PRORP: variants seen among roughly 807,000 people sequenced by gnomAD.
The protein encoded by PRORP is mitochondrial ribonuclease P catalytic subunit.
In PRORP, 51 loss-of-function variants were observed where a neutral mutation model predicts 59.4. That is an observed-to-expected ratio of 0.86 (90% CI 0.69 to 1.08). The LOEUF is 1.08. Among genes scored for constraint, PRORP ranks in the 50% least tolerant of loss-of-function variants. The probability of loss-of-function intolerance (pLI) is 0.00; values close to 1 mark genes in which losing one functional copy is unlikely to be tolerated. For synonymous variants in PRORP, 231 were observed against 245.6 expected (o/e 0.94, Z 0.55); for missense variants, 646 against 690.3 (o/e 0.94, Z 0.72).
chr14:35,246,613 T>G (rs1396542673), intron 5 of PRORP, among the ~76,000 whole-genome samples: 8 of 152,338 alleles, frequency 5.3e-5, no homozygotes, highest in Non-Finnish European at 7.4e-5. Flanking sequence ...CTTGTTGCTA[T>G]TGTCTCTAAA....
intron 5 of PRORP, among the ~76,000 whole-genome samples, chr14:35,211,133 C>A (rs2049433261): frequency 6.6e-6 from 1 of 152,108 alleles, no homozygotes; most frequent in Admixed American, 6.5e-5. Context: ...CCTATTACAT[C>A]ATAATGAACA....
At chr14:35,261,871 A>G (rs925217037) in intron 5 of PRORP, among the ~76,000 whole-genome samples, 2 of 151,936 alleles carry the variant, frequency 1.3e-5, no homozygotes, top group African/African-American at 4.8e-5. Flanking sequence ...TATGCTGCAC[A>G]CTCATCTTTT....
chr14:35,147,040 A>G (rs1000104067), intron 4 of PRORP, among the ~76,000 whole-genome samples: 2 of 152,112 alleles, frequency 1.3e-5, no homozygotes, highest in African/African-American at 2.4e-5. Flanking sequence ...CAAGGTTACA[A>G]TGAGTTGTGA....
intron 4 of PRORP, among the ~76,000 whole-genome samples, chr14:35,173,613 G>C (rs2139005772): frequency 6.6e-6 from 1 of 152,176 alleles, no homozygotes; most frequent in East Asian, 1.9e-4. Context: ...AAACCAGTAA[G>C]TTCTGCAGCT....
At chr14:35,239,095 G>A (rs1465805627) in intron 5 of PRORP, among the ~76,000 whole-genome samples, 1 of 151,970 alleles carries the variant, frequency 6.6e-6, no homozygotes, top group Non-Finnish European at 1.5e-5. Context: ...GGTGGCTCAC[G>A]GCTATAATCC....
chr14:35,230,652 G>A (rs893252118), intron 5 of PRORP, among the ~76,000 whole-genome samples: 3 of 152,134 alleles, frequency 2.0e-5, no homozygotes, highest in Non-Finnish European at 4.4e-5. Flanking sequence ...TTTCAAGTTA[G>A]TGAAACCTGG....
intron 4 of PRORP, among the ~76,000 whole-genome samples, chr14:35,130,747 A>T (rs993993470): frequency 6.7e-6 from 1 of 150,212 alleles, no homozygotes; most frequent in African/African-American, 2.5e-5. Flanking sequence ...GCCTCCCAAA[A>T]TGCTGGGATT....
At chr14:35,195,087 A>G (rs2048976678) in intron 5 of PRORP, among the ~76,000 whole-genome samples, 1 of 152,124 alleles carries the variant, frequency 6.6e-6, no homozygotes, top group Non-Finnish European at 1.5e-5. Flanking sequence ...TTTATTATAT[A>G]AAATATTTTA....
intron 4 of PRORP, among the ~76,000 whole-genome samples, chr14:35,143,395 C>G (rs1466864595): frequency 6.9e-6 from 1 of 145,404 alleles, no homozygotes; most frequent in African/African-American, 2.4e-5. Flanking sequence ...CTCCTGACCT[C>G]AAGTGATCCA....
intron 4 of PRORP, among the ~76,000 whole-genome samples, chr14:35,165,184 A>G (rs2048153210): frequency 6.6e-6 from 1 of 152,064 alleles, no homozygotes; most frequent in African/African-American, 2.4e-5. Context: ...TCTAGCTTGA[A>G]TTTCTTAGTT....
intron 5 of PRORP, among the ~76,000 whole-genome samples, chr14:35,190,939 CT>C (rs1566487806): frequency 6.6e-6 from 1 of 151,918 alleles, no homozygotes; most frequent in African/African-American, 2.4e-5. Context: ...TTTCTTTTTT[CT>C]TTTTTAATTT....
At chr14:35,161,976 A>G (rs1278266247) in intron 4 of PRORP, among the ~76,000 whole-genome samples, 3 of 152,086 alleles carry the variant, frequency 2.0e-5, no homozygotes, top group South Asian at 2.1e-4. Flanking sequence ...TCAGTCCTTC[A>G]TCTAGTTGAT....
chr14:35,123,574 A>G lies in PRORP; in HGVS notation c.329A>G (p.Asn110Ser), dbSNP rs1413142890. ...TEDHALAPVR[N>S]TIQLPTQPLN... ...GATCATGCCTTGGCACCTGTGAGGAACACTATTCAACTCCCAACACAACCT... is the reference window on the plus strand; with the variant it reads ...GATCATGCCTTGGCACCTGTGAGGAGCACTATTCAACTCCCAACACAACCT... The change falls in exon 2 of 8, where the codon AAC becomes AGC. Residue 110 changes from asparagine (N) to serine (S), a missense_variant. Physicochemically the swap from Asn to Ser is conservative, Grantham distance 46 (BLOSUM62 1). Coordinates refer to ENST00000534898, the MANE Select transcript of PRORP (RefSeq NM_014672.4). The G allele has an allele frequency of 6.2e-7, 1 of 1,614,104 alleles. No homozygotes were observed. The highest frequency in any genetic ancestry group is 8.5e-7 in the Non-Finnish European group (1 of 1,180,050).
At chr14:35,170,839 TTTTC>T (rs1595233629) in intron 4 of PRORP, among the ~76,000 whole-genome samples, 1 of 152,112 alleles carries the variant, frequency 6.6e-6, no homozygotes, top group Non-Finnish European at 1.5e-5. Context: ...TCTTTCTTTC[TTTTC>T]TTTTTCTTTT....
intron 5 of PRORP, among the ~76,000 whole-genome samples, chr14:35,249,518 G>C (rs1401665030): frequency 6.6e-6 from 1 of 152,170 alleles, no homozygotes; most frequent in South Asian, 2.1e-4. Flanking sequence ...GAGCCTGGGA[G>C]AGTGAGACCA....
intron 5 of PRORP, among the ~76,000 whole-genome samples, chr14:35,213,937 C>T (rs1267919929): frequency 6.6e-6 from 1 of 152,194 alleles, no homozygotes; most frequent in African/African-American, 2.4e-5. Flanking sequence ...AAACACAGGA[C>T]TGCCACCAAT....
At chr14:35,163,198 C>G (rs1437462338) in intron 4 of PRORP, among the ~76,000 whole-genome samples, 1 of 152,032 alleles carries the variant, frequency 6.6e-6, no homozygotes, top group Non-Finnish European at 1.5e-5. Context: ...AGTCCTATTA[C>G]CCGTGGCTTT....
intron 5 of PRORP, among the ~76,000 whole-genome samples, chr14:35,241,794 C>T (rs1295464751): frequency 6.6e-6 from 1 of 152,174 alleles, no homozygotes; most frequent in Non-Finnish European, 1.5e-5. Context: ...GTTATTCTCT[C>T]AACATACCGT....
At chr14:35,161,656 C>T (rs968796051) in intron 4 of PRORP, among the ~76,000 whole-genome samples, 2 of 151,896 alleles carry the variant, frequency 1.3e-5, no homozygotes, top group African/African-American at 4.8e-5. Context: ...TTGCCTTTTG[C>T]CCTTTCTTTG....
Sources: allele counts gnomAD v4.1 joint callset (sites outside exome capture counted in the v4.1 genomes callset), GRCh38; gene constraint gnomAD v4.1.1; transcripts MANE v1.5; gene names NCBI Gene and HGNC (gene_info 2026-07-23, HGNC 2026-07-21).